ACTN2: variants seen among roughly 807,000 people sequenced by gnomAD.
ACTN2 encodes the protein alpha-actinin-2.
Under a neutral mutation model 113.8 loss-of-function variants are expected in ACTN2, and 39 were observed. The observed-to-expected ratio is 0.34, with a 90% CI of 0.27 to 0.45. The LOEUF (loss-of-function observed/expected upper bound fraction) is 0.45. Ranked by LOEUF, ACTN2 falls within the 20% of genes least tolerant of loss-of-function variation. ACTN2 has a pLI of 1.00. For missense variants in ACTN2, 992 were observed against 1,177.9 expected, an observed-to-expected ratio of 0.84 and a Z score of 2.31; for synonymous variants, 429 against 444.1, an observed-to-expected ratio of 0.97 and a Z score of 0.43.
In ACTN2 at chr1:236,739,535, G is replaced by T; in HGVS notation, c.1107+3G>T. ...CCTCCGAGGGCAAGATGGTGTCGGTGAGTAGCAAGCGCCAAGCCCTCCTGG... is the reference window on the plus strand; with the variant it reads ...CCTCCGAGGGCAAGATGGTGTCGGTTAGTAGCAAGCGCCAAGCCCTCCTGG... On this transcript the variant is annotated splice_donor_region_variant and intron_variant, in intron 10 of 20. Transcript: ENST00000366578. The T allele has an allele frequency of 6.2e-7, 1 of 1,613,948 alleles. No homozygotes were observed. The highest frequency in any genetic ancestry group is 8.5e-7 in the Non-Finnish European group (1 of 1,179,870).
rs111688304 is a variant in ACTN2 at position 236,707,991 on chromosome 1, G to T, written c.127-9867G>T. On this transcript the variant is annotated intron_variant, in intron 1 of 20. Transcript: ENST00000366578. ...CTCTCAAAGTGCTGGGATTACAGGT[G>T]TGAGCCACCGCACTTGGCCATCATA... 4.3e-4 allele frequency among the ~76,000 whole-genome samples: 66 copies of T among 152,014 alleles called. 1 individual carries two copies. Among genetic ancestry groups the T allele is most frequent in the African/African-American group, 1.4e-3 (60 of 41,428 alleles).
chr1:236,745,486 G>A (rs556760591), intron 12 of ACTN2, among the ~76,000 whole-genome samples: 17 of 152,282 alleles, frequency 1.1e-4, no homozygotes, highest in South Asian at 4.2e-4. Context: ...ACTGCCTCAC[G>A]TGTGCAGAAG....
chr1:236,757,678 C>G (rs374814539), intron 18 of ACTN2, 46 bp downstream of exon 18: 1 of 1,609,264 alleles, frequency 6.2e-7, no homozygotes, highest in Non-Finnish European at 8.5e-7. Flanking sequence ...GGACATTAAA[C>G]AATGTATCTG....
chr1:236,726,344 T>C (rs554832250), intron 5 of ACTN2, among the ~76,000 whole-genome samples: 1 of 152,184 alleles, frequency 6.6e-6, no homozygotes, highest in African/African-American at 2.4e-5. Flanking sequence ...GGAATGGCTG[T>C]TGTTTCTCAG....
At chr1:236,743,131 C>T (rs1659124538) in intron 11 of ACTN2, 88 bp downstream of exon 11, 1 of 1,499,264 alleles carries the variant, frequency 6.7e-7, no homozygotes, top group Non-Finnish European at 9.2e-7. Flanking sequence ...AACTCTGTGC[C>T]TAATGTCTGT....
chr1:236,715,013 G>T lies in ACTN2; in HGVS notation c.127-2845G>T, dbSNP rs1387410724. On this transcript the variant is annotated intron_variant, in intron 1 of 20. Coordinates refer to ENST00000366578, the MANE Select transcript of ACTN2 (RefSeq NM_001103.4). ...GCTTCATTCCTCACTGTGTGTTTAT[G>T]TATACACAGATACCACTGAAGGGAT... 2.1e-4 allele frequency among the ~76,000 whole-genome samples: 31 copies of T among 148,138 alleles called. 1 individual carries two copies. Among genetic ancestry groups the T allele is most frequent in the East Asian group, 2.0e-4 (1 of 4,902 alleles).
At chr1:236,715,486 T>C (rs1454419224) in intron 1 of ACTN2, among the ~76,000 whole-genome samples, 1 of 152,130 alleles carries the variant, frequency 6.6e-6, no homozygotes, top group Non-Finnish European at 1.5e-5. Context: ...TCTGTGATGA[T>C]AGGAATGTTG....
At chr1:236,713,605 T>C (rs79380651) in intron 1 of ACTN2, among the ~76,000 whole-genome samples, 1 of 152,136 alleles carries the variant, frequency 6.6e-6, no homozygotes, top group South Asian at 2.1e-4. Flanking sequence ...TGTGTGTTTA[T>C]GTATACACAG....
At position 236,755,706 on chromosome 1, in the gene ACTN2, CTGTTAGAA is replaced by C. The variant is rs1288998287; in HGVS notation, c.2154+509_2154+516del. Among the ~76,000 whole-genome samples, 5 of 135,300 alleles carry C rather than the reference CTGTTAGAA, an allele frequency of 3.7e-5. 1 individual carries two copies. Among genetic ancestry groups the C allele is most frequent in the African/African-American group, 1.4e-4 (5 of 35,590 alleles). The allele number at this position is 135,300 out of a possible 152,430, so 88.8% of individuals were successfully genotyped here. A position where few individuals can be genotyped will look rare whatever the true frequency, so the allele number is the denominator to read the frequency against. Reference sequence around the variant, plus strand: ...ATATACTGCAGAGGGCCCGCTGCCACTGTTAGAACCCTGGTTATAGAGTATATACTGCA... The same window carrying C: ...ATATACTGCAGAGGGCCCGCTGCCACCCCTGGTTATAGAGTATATACTGCA... On this transcript the variant is annotated intron_variant, in intron 17 of 20. Coordinates refer to ENST00000366578, the MANE Select transcript of ACTN2 (RefSeq NM_001103.4).
At chr1:236,751,247 GC>G (rs930569986) in intron 14 of ACTN2, among the ~76,000 whole-genome samples, 2 of 151,992 alleles carry the variant, frequency 1.3e-5, no homozygotes, top group African/African-American at 4.8e-5. Context: ...TACATGAATA[GC>G]CACCAATATT....
intron 1 of ACTN2, among the ~76,000 whole-genome samples, chr1:236,711,511 G>T (rs747168556): frequency 6.6e-6 from 1 of 152,106 alleles, no homozygotes. Flanking sequence ...ACCACGCCAG[G>T]CTAAGTTTTT....
At chr1:236,695,314 G>C (rs1172282321) in intron 1 of ACTN2, among the ~76,000 whole-genome samples, 1 of 150,368 alleles carries the variant, frequency 6.7e-6, no homozygotes, top group Non-Finnish European at 1.5e-5. Context: ...GGAGGCGGCG[G>C]CTGCTGTGAG....
chr1:236,712,502 T>C (rs916669670), intron 1 of ACTN2, among the ~76,000 whole-genome samples: 3 of 152,158 alleles, frequency 2.0e-5, no homozygotes, highest in African/African-American at 4.8e-5. Context: ...TAATTACCTA[T>C]GGTAAATTAC....
chr1:236,721,304 G>C (rs1243865903), intron 4 of ACTN2, among the ~76,000 whole-genome samples: 1 of 151,908 alleles, frequency 6.6e-6, no homozygotes, highest in Non-Finnish European at 1.5e-5. Flanking sequence ...GGGATTACAG[G>C]CATGAGACTC....
At position 236,754,906 on chromosome 1, in the gene ACTN2, C is replaced by A; in HGVS notation, c.1975-113C>A. 7.9e-7 allele frequency: 1 copy of A among 1,271,460 alleles called. No homozygotes were observed. Among genetic ancestry groups the A allele is most frequent in the Non-Finnish European group, 1.1e-6 (1 of 870,854 alleles). The allele number at this position is 1,271,460 out of a possible 1,614,324, so 78.8% of individuals were successfully genotyped here. The stretch of plus-strand genomic sequence containing the variant: ...GTGAACCGAGTGACACTGGCCGCTG[C>A]CTGACGCTGGCCTAGCATCCCATGC... On this transcript the variant is annotated intron_variant, in intron 16 of 20. Coordinates refer to ENST00000366578, the MANE Select transcript of ACTN2 (RefSeq NM_001103.4). This position sits in a 1 kb window ranked among gnomAD's most constrained non-coding sequence, Gnocchi z 4.9.
At chr1:236,719,152 C>G (rs2102895234) in intron 3 of ACTN2, 139 bp downstream of exon 3, 1 of 1,188,068 alleles carries the variant, frequency 8.4e-7, no homozygotes, top group East Asian at 2.6e-5. Context: ...TCTTAGGGCG[C>G]TCGGTGCACA....
chr1:236,746,440 G>A (rs1659241154), intron 12 of ACTN2, among the ~76,000 whole-genome samples: 1 of 152,134 alleles, frequency 6.6e-6, no homozygotes, highest in Non-Finnish European at 1.5e-5. Flanking sequence ...GGGTGCAGTG[G>A]CTTATACCTG....
rs1658994831 is a variant in ACTN2 at position 236,739,308 on chromosome 1, G to T, written c.883G>T (p.Glu295Ter). 1.9e-6 allele frequency: 3 copies of T among 1,613,860 alleles called. No individual in the cohort carries two copies. The South Asian group carries it at 3.3e-5, about 18-fold the overall frequency. Residue 295 changes from glutamate (E) to a stop codon, truncating the protein, a stop_gained, in exon 10 of 21, where the codon GAA (glutamate) becomes TAA (stop). Transcript: ENST00000366578. LOFTEE classifies it high-confidence loss of function. ...EYERLASELL[E>*]WIRRTIPWLE... ...TTTTGTGTTTGCGGAGCAGCTTTTG[G>T]AATGGATTCGTCGCACGATCCCCTG... is the stretch of plus-strand genomic sequence containing the variant.
chr1:236,725,292 C>T (rs1245081674), intron 4 of ACTN2, among the ~76,000 whole-genome samples: 3 of 152,242 alleles, frequency 2.0e-5, no homozygotes, highest in Middle Eastern at 3.4e-3. Context: ...TAATAGGTGC[C>T]CCCAGTGTCA....
Sources: gnomAD v4.1 joint callset for allele counts (sites outside exome capture counted in the v4.1 genomes callset) on GRCh38, gnomAD v4.1.1 for gene constraint, Gnocchi (gnomAD v3.1) non-coding constraint, MANE v1.5 for transcripts, NCBI Gene and HGNC (gene_info 2026-07-23, HGNC 2026-07-21) for gene names.